P2RX4: variants seen among roughly 807,000 people sequenced by gnomAD.
The protein encoded by P2RX4 is purinergic receptor P2X 4.
In P2RX4, 37 loss-of-function variants were observed where a neutral mutation model predicts 48.0. The ratio of observed to expected loss-of-function variants is 0.77; its 90% confidence interval spans 0.59 to 1.01. P2RX4 has a LOEUF of 1.01. Ranked by LOEUF, P2RX4 falls within the 50% of genes least tolerant of loss-of-function variation. The pLI, the probability that P2RX4 is intolerant of heterozygous loss-of-function variation, is 0.00. For missense variants in P2RX4, 501 were observed against 521.4 expected (o/e 0.96, Z 0.38); for synonymous variants, 200 against 199.7 (o/e 1.00, Z -0.01).
At chr12:121,228,078 G>C (rs994283548) in intron 5 of P2RX4, among the ~76,000 whole-genome samples, 2 of 151,982 alleles carry the variant, frequency 1.3e-5, no homozygotes, top group African/African-American at 2.4e-5. Context: ...CTGGGCAACA[G>C]AGCAAGACCC....
At chr12:121,219,274 G>A (rs567959132) in intron 2 of P2RX4, among the ~76,000 whole-genome samples, 1 of 152,230 alleles carries the variant, frequency 6.6e-6, no homozygotes, top group South Asian at 2.1e-4. Context: ...TTTGGAGGAC[G>A]CCAGCTATTT....
chr12:121,212,791 A>AATATATATATATATATATATAT (rs779333692), intron 1 of P2RX4: 1 of 60,498 alleles, frequency 1.7e-5, no homozygotes, highest in Non-Finnish European at 2.8e-5. Context: ...CTCCATCTCA[A>AATATATATATATATATATATAT]ATATATATAT....
chr12:121,227,712 T>C (rs1336116766), intron 5 of P2RX4, among the ~76,000 whole-genome samples: 1 of 152,112 alleles, frequency 6.6e-6, no homozygotes, highest in Admixed American at 6.6e-5. Flanking sequence ...AGAGTGTGCA[T>C]GCAGAAGGGT....
At chr12:121,216,141 A>C (rs1303645381) in intron 1 of P2RX4, 1 of 152,258 alleles carries the variant, frequency 6.6e-6, no homozygotes, top group Non-Finnish European at 1.5e-5. Context: ...TAACGTTTTA[A>C]GAAAGTTTAC....
chr12:121,232,674 A>C lies in P2RX4; in HGVS notation c.1042A>C (p.Met348Leu). Residue 348 changes from methionine to leucine, a missense_variant and splice_region_variant, in exon 10 of 12, where the codon ATG becomes CTG. Physicochemically the swap from Met to Leu is conservative, Grantham distance 15. This residue lies in a region of P2RX4 where 197 missense variants were observed against 219.5 expected (regional missense o/e 0.90). Coordinates refer to ENST00000337233, the MANE Select transcript of P2RX4 (RefSeq NM_002560.3). This position sits in a 1 kb window ranked among gnomAD's most constrained non-coding sequence, Gnocchi z 4.3. ...CGGCTCTGGCCTGGCACTGCTAGGC[A>C]TGGTGAGTGGTTTAGGCCCTGCCTT... ...NIGSGLALLG[M>L]ATVLCDIIVL... 1.2e-6 allele frequency: 2 copies of C among 1,611,256 alleles called. No individual in the cohort carries two copies. The highest frequency in any genetic ancestry group is 1.7e-6 in the Non-Finnish European group (2 of 1,177,404).
In P2RX4 at chr12:121,228,867, G is replaced by T; in HGVS notation, c.747+1G>T. 1 of 1,614,168 alleles carries T rather than the reference G, an allele frequency of 6.2e-7. No homozygotes were observed. Among genetic ancestry groups the T allele is most frequent in the Non-Finnish European group, 8.5e-7 (1 of 1,180,032 alleles). ...CAGTTTCCAGGACATGGCCGTGGAG[G>T]TGGGTGCGGGCCCTGGCTCTCCTGA... On this transcript the variant is annotated splice_donor_variant, in intron 7 of 11. Transcript: ENST00000337233. LOFTEE classifies it high-confidence loss of function.
chr12:121,223,446 G>GT (rs2136232154), intron 5 of P2RX4: 1 of 250,276 alleles, frequency 4.0e-6, no homozygotes, highest in South Asian at 4.8e-5. Context: ...TGGTCAAGGA[G>GT]TTACACCTGT....
At chr12:121,221,181 T>C (rs1314842853) in intron 2 of P2RX4, among the ~76,000 whole-genome samples, 1 of 139,126 alleles carries the variant, frequency 7.2e-6, no homozygotes, top group Admixed American at 7.2e-5. Flanking sequence ...TGTGTGTGTG[T>C]GTGTGTGTGT....
chr12:121,231,040 T>G (rs1466872369), intron 8 of P2RX4, among the ~76,000 whole-genome samples: 1 of 151,008 alleles, frequency 6.6e-6, no homozygotes, highest in East Asian at 1.9e-4. Context: ...CAGGTTGGAG[T>G]GCAGTGGTGC....
At chr12:121,222,482 G>A (rs1458067519) in intron 4 of P2RX4, 8 of 459,392 alleles carry the variant, frequency 1.7e-5, no homozygotes, top group South Asian at 1.0e-4. Flanking sequence ...GCATGATCTC[G>A]GCTCACTGCA....
chr12:121,219,577 G>GTGGGTGGA (rs1886444972), intron 2 of P2RX4, among the ~76,000 whole-genome samples: 5 of 139,600 alleles, frequency 3.6e-5, no homozygotes, highest in South Asian at 2.4e-4. Flanking sequence ...TGGATGGGTG[G>GTGGGTGGA]TGGATGGATG....
Position 121,228,864 on chromosome 12 carries a change from G to A in P2RX4, c.745G>A (p.Glu249Lys). 1 of 1,614,184 alleles carries A rather than the reference G, an allele frequency of 6.2e-7. No individual in the cohort carries two copies. The highest frequency in any genetic ancestry group is 8.5e-7 in the Non-Finnish European group (1 of 1,180,040). Residue 249 changes from glutamate to lysine, a missense_variant and splice_region_variant, in exon 7 of 12, where the codon GAG (glutamate) becomes AAG (lysine). Coordinates refer to ENST00000337233, the MANE Select transcript of P2RX4 (RefSeq NM_002560.3). ...AGHSFQDMAVEGGIMGIQVNW... is the reference protein window; with the variant it reads ...AGHSFQDMAVKGGIMGIQVNW... ...ACACAGTTTCCAGGACATGGCCGTG[G>A]AGGTGGGTGCGGGCCCTGGCTCTCC... is the stretch of plus-strand genomic sequence containing the variant.
chr12:121,211,017 G>A (rs754145428), intron 1 of P2RX4, among the ~76,000 whole-genome samples: 1 of 152,098 alleles, frequency 6.6e-6, no homozygotes, highest in East Asian at 1.9e-4. Context: ...TGGTAGTAGC[G>A]AGGTCAGACT....
In P2RX4 at chr12:121,210,249, G is replaced by A. The variant is rs1327325791; in HGVS notation, c.85G>A (p.Gly29Arg). 2 of 1,562,992 alleles carry A rather than the reference G, an allele frequency of 1.3e-6. No individual in the cohort carries two copies. Among genetic ancestry groups the A allele is most frequent in the Admixed American group, 3.7e-5 (2 of 53,544 alleles). The change falls in exon 1 of 12, where the codon GGG becomes AGG. Residue 29 changes from glycine (G) to arginine (R), a missense_variant. This residue lies in a region of P2RX4 where 295 missense variants were observed against 275.3 expected (regional missense o/e 1.07). Transcript: ENST00000337233. The stretch of plus-strand genomic sequence containing the variant: ...CGTGCTCATCCGCAGCCGCAAAGTG[G>A]GGCTCATGAACCGCGCCGTGCAACT... ...RIVLIRSRKV[G>R]LMNRAVQLLI...
At position 121,233,016 on chromosome 12, in the gene P2RX4, T is replaced by A; in HGVS notation, c.1064T>A (p.Ile355Asn). ...ACTCAGGCGACCGTGCTGTGTGACA[T>A]CATAGTCCTCTACTGCATGAAGAAA... Reference protein sequence around the residue: ...LLGMATVLCDIIVLYCMKKRL... With the variant: ...LLGMATVLCDNIVLYCMKKRL... The change falls in exon 11 of 12, where the codon ATC becomes AAC. Residue 355 changes from isoleucine to asparagine, a missense_variant. Ile to Asn is a moderately radical substitution (Grantham distance 149). Around this residue, in one of 3 missense-constraint regions of P2RX4, gnomAD observed 197 missense variants for 219.5 expected, o/e 0.90. Coordinates refer to ENST00000337233, the MANE Select transcript of P2RX4 (RefSeq NM_002560.3). The A allele has an allele frequency of 6.2e-7, 1 of 1,613,330 alleles. No individual in the cohort carries two copies. Among genetic ancestry groups the A allele is most frequent in the Non-Finnish European group, 8.5e-7 (1 of 1,179,292 alleles).
In P2RX4 at chr12:121,232,646, C is replaced by T. The variant is rs745385117; in HGVS notation, c.1014C>T (p.Asn338=). ...TTGACATCATCCCCACTATGATCAA[C>T]ATCGGCTCTGGCCTGGCACTGCTAG... ...GKFDIIPTMI[N]IGSGLALLGM... is the part of the protein sequence containing the mutation. Residue 338 remains asparagine (N), a synonymous_variant, in exon 10 of 12, where the codon AAC becomes AAT. Transcript: ENST00000337233. The surrounding 1 kb of genome is among the most constrained non-coding windows in gnomAD (Gnocchi z 4.3). 1.1e-5 allele frequency: 17 copies of T among 1,614,082 alleles called. No homozygotes were observed. In the South Asian group the frequency reaches 1.4e-4, roughly 14 times the overall value.
chr12:121,222,236 T>G, intron 4 of P2RX4, 70 bp downstream of exon 4: 1 of 1,070,028 alleles, frequency 9.3e-7, no homozygotes. Context: ...GCGTCTCTGA[T>G]AGAGAAATCT....
In P2RX4 at chr12:121,217,120, G is replaced by A. The variant is rs749854553; in HGVS notation, c.135-14G>A. On this transcript the variant is annotated splice_polypyrimidine_tract_variant and intron_variant, in intron 1 of 11. Transcript: ENST00000337233. ...ATCCTAATGGCAATTTAAGAGGCCT[G>A]TTTTATTTTATAGGTGGGTGTTTGT... 6.2e-7 allele frequency: 1 copy of A among 1,613,756 alleles called. No individual in the cohort carries two copies. Among genetic ancestry groups the A allele is most frequent in the Non-Finnish European group, 8.5e-7 (1 of 1,179,640 alleles).
rs2136229310 is a variant in P2RX4 at position 121,222,214 on chromosome 12, C to T, written c.427+48C>T. ...GGAGGGCGGCCCCTGAGCAGATCGC[C>T]CCCACTGTGGAGCGTCTCTGATAGA... On this transcript the variant is annotated intron_variant, in intron 4 of 11. Transcript: ENST00000337233. The T allele has an allele frequency of 2.4e-6, 3 of 1,272,722 alleles. No homozygotes were observed. In the East Asian group the frequency reaches 6.9e-5, roughly 29 times the overall value. The allele number at this position is 1,272,722 out of a possible 1,614,324, so 78.8% of individuals were successfully genotyped here.
Sources: gnomAD v4.1 joint callset for allele counts (sites outside exome capture counted in the v4.1 genomes callset) on GRCh38, gnomAD v4.1.1 for gene constraint, gnomAD v4.1.1 regional missense constraint, Gnocchi (gnomAD v3.1) non-coding constraint, MANE v1.5 for transcripts, NCBI Gene and HGNC (gene_info 2026-07-23, HGNC 2026-07-21) for gene names.